Variants in PCDHA1 observed in about 807,000 individuals in gnomAD.
PCDHA1 encodes protocadherin alpha-1.
A neutral mutation model predicts 61.3 loss-of-function variants in PCDHA1; 42 were observed. The observed-to-expected ratio is 0.69, with a 90% CI of 0.54 to 0.89. The LOEUF is 0.89. Among genes scored for constraint, PCDHA1 ranks in the 40% least tolerant of loss-of-function variants. PCDHA1 has a pLI of 0.00. For synonymous variants in PCDHA1, 610 were observed against 553.8 expected, an observed-to-expected ratio of 1.10 and a Z score of -1.43; for missense variants, 1,256 against 1,235.3, an observed-to-expected ratio of 1.02 and a Z score of -0.25.
In PCDHA1 at chr5:140,877,126, C is replaced by G. The variant is rs781947378; in HGVS notation, c.2394+88442C>G. 10 of 1,613,632 alleles carry G rather than the reference C, an allele frequency of 6.2e-6. No homozygotes were observed. The African/African-American group carries it at 1.3e-4, about 22-fold the overall frequency. On this transcript the variant is annotated intron_variant, in intron 1 of 3. Transcript: ENST00000504120. ...GCCTCTGGGCAGCAACGTGACGCTG[C>G]AGGTGTTCGTGCTGGACGAGAACGA... is the stretch of plus-strand genomic sequence containing the variant.
chr5:140,893,112 G>T (rs782797637), intron 1 of PCDHA1, among the ~76,000 whole-genome samples: 5 of 152,148 alleles, frequency 3.3e-5, no homozygotes, highest in Non-Finnish European at 7.3e-5. Flanking sequence ...ATTCCGTTGT[G>T]CATATACACC....
At position 140,849,582 on chromosome 5, in the gene PCDHA1, G is replaced by A. The variant is rs2150441329; in HGVS notation, c.2394+60898G>A. On this transcript the variant is annotated intron_variant, in intron 1 of 3. Transcript: ENST00000504120. Reference sequence around the variant, plus strand: ...GCTCTCGGTTCCTGTAAAAGAGGACGCACAACTGGGGACAGTTATTGCCCT... The same window carrying A: ...GCTCTCGGTTCCTGTAAAAGAGGACACACAACTGGGGACAGTTATTGCCCT... 80 of 1,598,576 alleles carry A rather than the reference G, an allele frequency of 5.0e-5. 10 individuals are homozygous for A. Among genetic ancestry groups the A allele is most frequent in the Non-Finnish European group, 6.6e-5 (77 of 1,167,978 alleles).
At chr5:140,850,709 G>T in intron 1 of PCDHA1, 1 of 1,598,236 alleles carries the variant, frequency 6.3e-7, no homozygotes, top group East Asian at 2.2e-5. Context: ...GCAAGCCGAC[G>T]CTGGTGTGTT....
Position 140,788,596 on chromosome 5 carries a change from T to G in PCDHA1, c.2306T>G (p.Leu769Arg). The change falls in exon 1 of 4, where the codon CTC becomes CGC. Residue 769 changes from leucine to arginine, a missense_variant. Physicochemically the swap from Leu to Arg is moderately radical, Grantham distance 102. Coordinates refer to ENST00000504120, the MANE Select transcript of PCDHA1 (RefSeq NM_018900.4). ...AGCGAGGGCCCACCCAAGACCGACC[T>G]CATGGCCTTCAGCCCAGGCCTATCT... ...CSSEGPPKTDLMAFSPGLSPS... is the reference protein window; with the variant it reads ...CSSEGPPKTDRMAFSPGLSPS... 1 of 1,614,180 alleles carries G rather than the reference T, an allele frequency of 6.2e-7. No individual in the cohort carries two copies. The highest frequency in any genetic ancestry group is 8.5e-7 in the Non-Finnish European group (1 of 1,179,994).
chr5:140,963,529 C>T (rs1332936829), intron 1 of PCDHA1, among the ~76,000 whole-genome samples: 1 of 152,176 alleles, frequency 6.6e-6, no homozygotes, highest in Non-Finnish European at 1.5e-5. Flanking sequence ...ACAGAAGTCC[C>T]ATTTACTTCA....
chr5:140,879,782 G>C (rs1372413289), intron 1 of PCDHA1, among the ~76,000 whole-genome samples: 1 of 152,178 alleles, frequency 6.6e-6, no homozygotes, highest in African/African-American at 2.4e-5. Flanking sequence ...GGAAGAATCT[G>C]GTTTTTGTTT....
chr5:140,962,855 G>A (rs556272423), intron 1 of PCDHA1, among the ~76,000 whole-genome samples: 286 of 152,196 alleles, frequency 1.9e-3, no homozygotes, highest in Admixed American at 3.8e-3. Context: ...CTTGTGCTCG[G>A]TTTGTAGAGC....
At chr5:140,882,545 G>C (rs1174281421) in intron 1 of PCDHA1, 1 of 1,614,120 alleles carries the variant, frequency 6.2e-7, no homozygotes, top group African/African-American at 1.3e-5. Flanking sequence ...GATCGACCGC[G>C]AGGAGCTGTG....
intron 1 of PCDHA1, chr5:140,857,094 T>G (rs781941290): frequency 4.4e-6 from 7 of 1,596,938 alleles, no homozygotes; most frequent in Non-Finnish European, 6.0e-6. Flanking sequence ...TCACCTGAGG[T>G]GATTGTCACT....
intron 1 of PCDHA1, among the ~76,000 whole-genome samples, chr5:140,837,545 T>C (rs1775114799): frequency 6.6e-6 from 1 of 151,994 alleles, no homozygotes; most frequent in Non-Finnish European, 1.5e-5. Context: ...AGATTATTAT[T>C]GCCAAATTAT....
Position 140,966,485 on chromosome 5 carries a change from C to G in PCDHA1, c.2395-12464C>G, listed in dbSNP as rs564574047. 5.5e-4 allele frequency: 237 copies of G among 432,246 alleles called. 1 individual carries two copies. The highest frequency in any genetic ancestry group is 4.6e-3 in the African/African-American group (223 of 48,858). 26.8% of individuals were successfully genotyped at this position (432,246 alleles called of 1,614,324 possible). A position where few individuals can be genotyped will look rare whatever the true frequency, so the allele number is the denominator to read the frequency against. Reference sequence around the variant, plus strand: ...TCTTCCCTTCTGTTTCCTTTTCCCTCCCCCTGGAGCTGTAGCGGCAGCAGC... The same window carrying G: ...TCTTCCCTTCTGTTTCCTTTTCCCTGCCCCTGGAGCTGTAGCGGCAGCAGC... On this transcript the variant is annotated intron_variant, in intron 1 of 3. Transcript: ENST00000504120.
chr5:140,877,493 A>C, intron 1 of PCDHA1: 1 of 1,613,856 alleles, frequency 6.2e-7, no homozygotes, highest in African/African-American at 1.3e-5. Flanking sequence ...GAGAACGGCC[A>C]GGCCCCAAAG....
At chr5:140,832,466 T>A (rs1022367825) in intron 1 of PCDHA1, among the ~76,000 whole-genome samples, 6 of 152,304 alleles carry the variant, frequency 3.9e-5, no homozygotes, top group Admixed American at 1.3e-4. Flanking sequence ...CACTAAAATT[T>A]AAAAAAACTA....
At position 140,849,588 on chromosome 5, in the gene PCDHA1, C is replaced by G. The variant is rs2150441639; in HGVS notation, c.2394+60904C>G. ...GGTTCCTGTAAAAGAGGACGCACAA[C>G]TGGGGACAGTTATTGCCCTGATTAG... On this transcript the variant is annotated intron_variant, in intron 1 of 3. Coordinates refer to ENST00000504120, the MANE Select transcript of PCDHA1 (RefSeq NM_018900.4). 8 of 1,598,790 alleles carry G rather than the reference C, an allele frequency of 5.0e-6. 1 individual carries two copies. Among genetic ancestry groups the G allele is most frequent in the East Asian group, 4.5e-5 (2 of 44,856 alleles).
At chr5:140,869,497 G>T (rs2051177889) in intron 1 of PCDHA1, 2 of 1,614,084 alleles carry the variant, frequency 1.2e-6, no homozygotes. Flanking sequence ...CAACCCGCCG[G>T]TGTTCTCGCT....
intron 1 of PCDHA1, chr5:140,882,426 G>A (rs148335988): frequency 6.1e-5 from 99 of 1,613,954 alleles, no homozygotes; most frequent in Non-Finnish European, 7.9e-5. Context: ...CAGGACCTGG[G>A]GCTGGAGCTG....
chr5:140,801,855 C>G (rs782570230), intron 1 of PCDHA1: 1 of 1,614,054 alleles, frequency 6.2e-7, no homozygotes, highest in Non-Finnish European at 8.5e-7. Flanking sequence ...TGGTGGGAAA[C>G]CAGAGCTCAC....
intron 1 of PCDHA1, chr5:140,824,090 G>T (rs2150132090): frequency 1.2e-6 from 2 of 1,614,190 alleles, no homozygotes; most frequent in East Asian, 4.5e-5. Context: ...ATGGCCTTCA[G>T]TCCAAGCCTT....
At chr5:140,966,603 G>A (rs567686852) in intron 1 of PCDHA1, 9 of 656,454 alleles carry the variant, frequency 1.4e-5, no homozygotes, top group African/African-American at 1.3e-4. Flanking sequence ...AGGAGCCCTT[G>A]GGAGGGCCTA....
Sources: gnomAD v4.1 joint callset for allele counts (sites outside exome capture counted in the v4.1 genomes callset) on GRCh38, gnomAD v4.1.1 for gene constraint, MANE v1.5 for transcripts, NCBI Gene and HGNC (gene_info 2026-07-23, HGNC 2026-07-21) for gene names.